Variants in MARCHF10 observed in about 807,000 individuals in gnomAD.
The protein encoded by MARCHF10 is probable E3 ubiquitin-protein ligase MARCHF10.
Under a neutral mutation model 76.2 loss-of-function variants are expected in MARCHF10, and 64 were observed. The ratio of observed to expected loss-of-function variants is 0.84; its 90% CI spans 0.69 to 1.03. MARCHF10 has a LOEUF of 1.03. Among genes scored for constraint, MARCHF10 ranks in the 50% least tolerant of loss-of-function variants. The pLI, the probability that MARCHF10 is intolerant of heterozygous loss-of-function variation, is 0.00. For missense variants in MARCHF10, 875 were observed against 958.0 expected, an observed-to-expected ratio of 0.91 and a Z score of 1.14; for synonymous variants, 340 against 357.5, an observed-to-expected ratio of 0.95 and a Z score of 0.55.
chr17:62,769,041 T>C (rs921716686), intron 3 of MARCHF10, among the ~76,000 whole-genome samples: 2 of 152,278 alleles, frequency 1.3e-5, no homozygotes, highest in Admixed American at 1.3e-4. Context: ...ATAGAATGTC[T>C]TACGCTCTAA....
At chr17:62,744,062 T>A (rs748539522) in intron 5 of MARCHF10, among the ~76,000 whole-genome samples, 1 of 151,936 alleles carries the variant, frequency 6.6e-6, no homozygotes, top group Non-Finnish European at 1.5e-5. Context: ...CCATCCACCA[T>A]CCAAATGCCC....
intron 6 of MARCHF10, among the ~76,000 whole-genome samples, chr17:62,726,854 C>T (rs1169880447): frequency 6.6e-6 from 1 of 152,064 alleles, no homozygotes; most frequent in Non-Finnish European, 1.5e-5. Flanking sequence ...GTCTCGAACC[C>T]TTGACCTCAG....
intron 10 of MARCHF10, 178 bp downstream of exon 10, chr17:62,705,361 C>G (rs2089512134): frequency 1.3e-6 from 2 of 1,518,418 alleles, no homozygotes; most frequent in Non-Finnish European, 8.8e-7. Flanking sequence ...ATCCAGTGAA[C>G]TTGGCCTCGC....
At chr17:62,751,542 C>A (rs1009183203) in intron 4 of MARCHF10, among the ~76,000 whole-genome samples, 1 of 152,158 alleles carries the variant, frequency 6.6e-6, no homozygotes, top group Admixed American at 6.5e-5. Flanking sequence ...TGTTCTTGTT[C>A]AAAAATAGTT....
intron 3 of MARCHF10, among the ~76,000 whole-genome samples, chr17:62,770,956 A>T (rs966015263): frequency 1.3e-5 from 2 of 149,144 alleles, no homozygotes; most frequent in Admixed American, 6.8e-5. Flanking sequence ...CCCAGGTTCA[A>T]GTGATTCTTC....
At chr17:62,746,463 AAGACAGAGAG>A (rs1336858362) in intron 4 of MARCHF10, among the ~76,000 whole-genome samples, 1 of 150,640 alleles carries the variant, frequency 6.6e-6, no homozygotes, top group African/African-American at 2.4e-5. Context: ...GAGAGACAGA[AAGACAGAGAG>A]AGAGAGAGGG....
chr17:62,734,184 GA>G (rs1008098070), intron 6 of MARCHF10, among the ~76,000 whole-genome samples: 25 of 147,596 alleles, frequency 1.7e-4, no homozygotes, highest in Middle Eastern at 3.5e-3. Context: ...ACTCCCTCAA[GA>G]AAAAAAAACA....
In MARCHF10 at chr17:62,738,717, C is replaced by T. The variant is rs755626071; in HGVS notation, c.536-1385G>A. On this transcript the variant is annotated intron_variant, in intron 5 of 10. Coordinates refer to ENST00000311269, the MANE Select transcript of MARCHF10 (RefSeq NM_152598.4). The surrounding 1 kb of genome is among the most constrained non-coding windows in gnomAD (Gnocchi z 4.0). ...CCAGTGTGAGTCTCTAATGTCCTAA[C>T]ACTCGGGCAGCTTCTTTTATTGTTA... is the stretch of plus-strand genomic sequence containing the variant. Among the ~76,000 whole-genome samples the T allele has an allele frequency of 6.6e-6, 1 of 152,208 alleles. No homozygotes were observed. The highest frequency in any genetic ancestry group is 1.5e-5 in the Non-Finnish European group (1 of 68,038).
intron 9 of MARCHF10, among the ~76,000 whole-genome samples, chr17:62,708,941 G>A (rs1258240158): frequency 6.6e-6 from 1 of 152,230 alleles, no homozygotes; most frequent in African/African-American, 2.4e-5. Context: ...AAGAGCTTAT[G>A]TTGTCAAATT....
At chr17:62,788,034 A>T (rs2092774624) in intron 3 of MARCHF10, among the ~76,000 whole-genome samples, 2 of 152,200 alleles carry the variant, frequency 1.3e-5, no homozygotes, top group Non-Finnish European at 2.9e-5. Flanking sequence ...TACATGATAC[A>T]GTTATTACCA....
rs2091268205 is a variant in MARCHF10 at position 62,736,451 on chromosome 17, G to A, written c.1417C>T (p.Pro473Ser). Residue 473 changes from proline (P) to serine (S), a missense_variant, in exon 6 of 11, where the codon CCT (proline) becomes TCT (serine). Physicochemically the swap from Pro to Ser is moderately conservative, Grantham distance 74 (BLOSUM62 -1). Coordinates refer to ENST00000311269, the MANE Select transcript of MARCHF10 (RefSeq NM_152598.4). ...RSSVNSSYNP[P>S]ASFMHSALRD... is the part of the protein sequence containing the mutation. Reference sequence around the variant, plus strand: ...AGAGCAGAATGCATGAATGATGCAGGAGGGTTATAGGATGAATTCACTGAT... The same window carrying A: ...AGAGCAGAATGCATGAATGATGCAGAAGGGTTATAGGATGAATTCACTGAT... 6.2e-7 allele frequency: 1 copy of A among 1,614,204 alleles called. No homozygotes were observed. The highest frequency in any genetic ancestry group is 8.5e-7 in the Non-Finnish European group (1 of 1,180,030).
At chr17:62,742,922 C>A (rs553585758) in intron 5 of MARCHF10, among the ~76,000 whole-genome samples, 1 of 152,016 alleles carries the variant, frequency 6.6e-6, no homozygotes, top group African/African-American at 2.4e-5. Context: ...GGTGAGCCAC[C>A]CTGTCTGGTG....
intron 10 of MARCHF10, among the ~76,000 whole-genome samples, chr17:62,702,863 C>A (rs2089330337): frequency 6.6e-6 from 1 of 152,198 alleles, no homozygotes; most frequent in African/African-American, 2.4e-5. Context: ...TCTCCAAAAG[C>A]CAGTAGCCTT....
Position 62,803,128 on chromosome 17 carries a change from G to A in MARCHF10, c.-17-1376C>T, listed in dbSNP as rs187713025. On this transcript the variant is annotated intron_variant, in intron 1 of 10. Transcript: ENST00000311269. ...ATAGCAAGACCATTTCTATTTAAAA[G>A]AAAATTGAAAATTAGCCAGGTATTG... Among the ~76,000 whole-genome samples, 252 of 152,122 alleles carry A rather than the reference G, an allele frequency of 1.7e-3. 3 individuals carry two copies. Among genetic ancestry groups the A allele is most frequent in the South Asian group, 0.015 (74 of 4,808 alleles).
chr17:62,769,341 A>G (rs973830054), intron 3 of MARCHF10, among the ~76,000 whole-genome samples: 4 of 152,192 alleles, frequency 2.6e-5, no homozygotes, highest in Non-Finnish European at 2.9e-5. Flanking sequence ...TGATTTTAGC[A>G]CCTTTTAATG....
intron 8 of MARCHF10, 57 bp downstream of exon 8, chr17:62,722,431 C>G: frequency 1.6e-6 from 2 of 1,221,246 alleles, no homozygotes; most frequent in East Asian, 4.9e-5. Flanking sequence ...AATGTCTTCT[C>G]GCCCTGCCCC....
intron 3 of MARCHF10, among the ~76,000 whole-genome samples, chr17:62,775,611 AATTTT>A (rs2092539495): frequency 6.6e-6 from 1 of 151,910 alleles, no homozygotes; most frequent in Admixed American, 6.5e-5. Flanking sequence ...AAATTTAAAA[AATTTT>A]ATTTTATTTT....
chr17:62,703,901 G>A (rs893727374), intron 10 of MARCHF10, among the ~76,000 whole-genome samples: 14 of 152,216 alleles, frequency 9.2e-5, no homozygotes, highest in Non-Finnish European at 1.9e-4. Flanking sequence ...CAGGGTGTGC[G>A]GGGAAAGGCT....
rs67106553 is a variant in MARCHF10, at chr17:62,767,450, C to CCTTTTTTTTTTTTTTTTTTTTT, written c.211-7445_211-7444insAAAAAAAAAAAAAAAAAAAAAG. On this transcript the variant is annotated intron_variant, in intron 3 of 10. Coordinates refer to ENST00000311269, the MANE Select transcript of MARCHF10 (RefSeq NM_152598.4). ...AGCTTTGAATTGGTGGGTCTGTATT[C>CCTTTTTTTTTTTTTTTTTTTTT]TTTTTTTTTTTTTTTTTTGAGATGG... Among the ~76,000 whole-genome samples, 2 of 134,790 alleles carry CCTTTTTTTTTTTTTTTTTTTTT rather than the reference C, an allele frequency of 1.5e-5. 1 individual carries two copies. The highest frequency in any genetic ancestry group is 3.1e-5 in the Non-Finnish European group (2 of 64,278). The allele number at this position is 134,790 out of a possible 152,430, so 88.4% of individuals were successfully genotyped here.
Sources: gnomAD v4.1 joint callset for allele counts (sites outside exome capture counted in the v4.1 genomes callset) on GRCh38, gnomAD v4.1.1 for gene constraint, Gnocchi (gnomAD v3.1) non-coding constraint, MANE v1.5 for transcripts, NCBI Gene and HGNC (gene_info 2026-07-23, HGNC 2026-07-21) for gene names.